ZNF185: variants seen among roughly 807,000 people sequenced by gnomAD.
ZNF185 encodes the protein zinc finger protein 185.
ZNF185 carries 56 observed loss-of-function variants against 58.6 expected under a neutral mutation model. The ratio of observed to expected loss-of-function variants is 0.95; its 90% confidence interval spans 0.77 to 1.19. ZNF185 has a LOEUF of 1.19. ZNF185 is among the 50% of genes most tolerant of loss of function. The pLI is 0.00. For missense variants in ZNF185, 627 were observed against 573.5 expected (o/e 1.09, Z -0.95); for synonymous variants, 230 against 215.9 (o/e 1.07, Z -0.57).
chrX:152,907,160 G>A, the ZNF185 span, among the ~76,000 whole-genome samples: 1 of 111,568 alleles, frequency 9.0e-6, no homozygotes, highest in Admixed American at 9.5e-5. Context: ...TTCTCCTGCC[G>A]CTCCCGTCTG....
chrX:152,901,974 G>A, the ZNF185 span, among the ~76,000 whole-genome samples: 1 of 112,310 alleles, frequency 8.9e-6, no homozygotes, highest in African/African-American at 3.2e-5. Context: ...CACGGTCTAG[G>A]CTTTTCCTGT....
chrX:152,910,781 C>T (rs782670781), upstream of ZNF185, among the ~76,000 whole-genome samples: 4 of 112,119 alleles, frequency 3.6e-5, no homozygotes, highest in Non-Finnish European at 7.5e-5. Flanking sequence ...CTCATTCTGT[C>T]GAGATTCCTG....
chrX:152,928,102 T>A (rs996558452), intron 11 of ZNF185, among the ~76,000 whole-genome samples: 9 of 108,270 alleles, frequency 8.3e-5, no homozygotes, highest in Non-Finnish European at 1.7e-4. Context: ...AAAGGGGCCC[T>A]TTGTCCTCAT....
chrX:152,914,202 C>A (rs1191963170), upstream of ZNF185, among the ~76,000 whole-genome samples: 1 of 111,842 alleles, frequency 8.9e-6, no homozygotes, highest in Non-Finnish European at 1.9e-5. Flanking sequence ...CTGGCAGCCC[C>A]TGAGCTCCAC....
At chrX:152,937,770 A>G (rs1221491701) in intron 14 of ZNF185, among the ~76,000 whole-genome samples, 1 of 112,450 alleles carries the variant, frequency 8.9e-6, no homozygotes, top group African/African-American at 3.2e-5. Flanking sequence ...TTCCTTGAAC[A>G]AAGCACATCC....
At position 152,920,343 on chromosome X, in the gene ZNF185, C is replaced by T. The variant is rs1317104583; in HGVS notation, c.546C>T (p.Ser182=). The change falls in exon 8 of 23, where the codon AGC becomes AGT. Residue 182 remains serine (S), a synonymous_variant. Transcript: ENST00000449285. ...GTCACCCCAGGTCAGAGGCTGCAAG[C>T]GGTGTTCTGAGGAGGACAGCTCCCC... 4.4e-5 allele frequency: 53 copies of T among 1,209,107 alleles called. 1 individual carries two copies. The highest frequency in any genetic ancestry group is 1.0e-4 in the African/African-American group (6 of 57,165).
rs180679202 is a variant in ZNF185 at position 152,931,740 on chromosome X, A to G, written c.986A>G (p.Glu329Gly). Residue 329 changes from glutamate to glycine, a missense_variant, in exon 13 of 23, where the codon GAG (glutamate) becomes GGG (glycine). Physicochemically the swap from Glu to Gly is moderately conservative, Grantham distance 98. Transcript: ENST00000449285. ...GAGCTCCAGAGGGACTTGGCTGGTG[A>G]GGAGGCTTTCAGGGCCCCCAACACA... The G allele has an allele frequency of 2.0e-4, 238 of 1,209,061 alleles. 1 individual carries two copies. The Admixed American group carries it at 5.0e-3, about 25-fold the overall frequency.
chrX:152,969,532 C>A, intron 21 of ZNF185, 48 bp downstream of exon 23: 1 of 1,027,006 alleles, frequency 9.7e-7, no homozygotes, highest in South Asian at 2.0e-5. Flanking sequence ...AACTCCTGAT[C>A]ACGTGCTGCT....
At chrX:152,947,905 G>C (rs1212216534) in intron 16 of ZNF185, among the ~76,000 whole-genome samples, 1 of 111,019 alleles carries the variant, frequency 9.0e-6, no homozygotes, top group East Asian at 2.8e-4. Context: ...GTCTCAAAAA[G>C]AAAAAAAGAG....
intron 11 of ZNF185, among the ~76,000 whole-genome samples, chrX:152,924,723 C>T (rs1395964024): frequency 8.9e-6 from 1 of 112,467 alleles, no homozygotes; most frequent in Non-Finnish European, 1.9e-5. Flanking sequence ...CTCTGTCGCC[C>T]AGGCTCTGTC....
chrX:152,956,132 G>A, intron 16 of ZNF185, among the ~76,000 whole-genome samples: 1 of 111,768 alleles, frequency 8.9e-6, no homozygotes, highest in East Asian at 2.8e-4. Context: ...ATGGCTGCAT[G>A]CAAACATTTG....
intron 16 of ZNF185, among the ~76,000 whole-genome samples, chrX:152,955,258 T>G (rs1316522235): frequency 6.2e-5 from 7 of 112,292 alleles, no homozygotes; most frequent in African/African-American, 2.3e-4. Flanking sequence ...CAATTCCCCC[T>G]TTTTGGTCAT....
chrX:152,904,534 A>T, the ZNF185 span, among the ~76,000 whole-genome samples: 7 of 112,452 alleles, frequency 6.2e-5, no homozygotes, highest in Admixed American at 4.7e-4. Context: ...ATCAAATGGA[A>T]CGTTTCATCA....
At chrX:152,970,540 A>G (rs782026406) in exon 22 of ZNF185, 1 of 1,208,941 alleles carries the variant, frequency 8.3e-7, no homozygotes, top group South Asian at 1.8e-5. Context: ...AAGCTCTTCT[A>G]GGTGGGTGCT....
chrX:152,917,998 C>T, intron 5 of ZNF185, 67 bp from the exon 7 acceptor site: 3 of 1,163,652 alleles, frequency 2.6e-6, no homozygotes, highest in Non-Finnish European at 3.4e-6. Context: ...GTCCACTGGG[C>T]TGTGTGGCCA....
chrX:152,967,914 A>G (rs1376656211), intron 20 of ZNF185, among the ~76,000 whole-genome samples: 2 of 112,290 alleles, frequency 1.8e-5, no homozygotes, highest in Non-Finnish European at 3.8e-5. Context: ...CAAATACGGC[A>G]GACCCAGGAC....
chrX:152,941,704 G>A, intron 15 of ZNF185: 1 of 1,164,588 alleles, frequency 8.6e-7, no homozygotes, highest in Non-Finnish European at 1.1e-6. Context: ...CGTCCACAAA[G>A]TGAAATGGCC....
At chrX:152,973,226 C>G (rs782493120) in exon 23 of ZNF185, 1 of 111,966 alleles carries the variant, frequency 8.9e-6, no homozygotes, top group African/African-American at 3.3e-5. Flanking sequence ...TGGCTTCCCC[C>G]GTTCAAGGTA....
At chrX:152,967,192 G>A (rs782554515) in exon 20 of ZNF185, 8 of 1,209,774 alleles carry the variant, frequency 6.6e-6, no homozygotes, top group African/African-American at 5.2e-5. Context: ...GGACTCATTC[G>A]CCATGGAGAA....
Sources: allele counts gnomAD v4.1 joint callset (sites outside exome capture counted in the v4.1 genomes callset), GRCh38; gene constraint gnomAD v4.1.1; transcripts MANE v1.5; gene names NCBI Gene and HGNC (gene_info 2026-07-23, HGNC 2026-07-21).